The following ENO2 variants were observed in gnomAD, a reference collection of about 807,000 sequenced individuals.
The protein encoded by ENO2 is gamma-enolase.
A neutral mutation model predicts 48.7 loss-of-function variants in ENO2; 19 were observed. The ratio of observed to expected loss-of-function variants is 0.39; its 90% CI spans 0.27 to 0.57. The LOEUF is 0.57. Ranked by LOEUF, ENO2 falls within the 20% of genes least tolerant of loss-of-function variation. ENO2 has a pLI of 0.58. For missense variants in ENO2, 416 were observed against 555.0 expected, an observed-to-expected ratio of 0.75 and a Z score of 2.52; for synonymous variants, 198 against 213.4, an observed-to-expected ratio of 0.93 and a Z score of 0.63.
chr12:6,922,710 T>C lies in ENO2; in HGVS notation c.1236-21T>C. Reference sequence around the variant, plus strand: ...TCCTCCTGCATCCCTGACCACTTCCTTTGTGGTTCATCTCTCTCAGAATTG... The same window carrying C: ...TCCTCCTGCATCCCTGACCACTTCCCTTGTGGTTCATCTCTCTCAGAATTG... On this transcript the variant is annotated intron_variant, in intron 11 of 11. Coordinates refer to ENST00000229277, the MANE Select transcript of ENO2 (RefSeq NM_001975.3). This position sits in a 1 kb window ranked among gnomAD's most constrained non-coding sequence, Gnocchi z 5.3. The C allele has an allele frequency of 2.5e-6, 4 of 1,613,988 alleles. No individual in the cohort carries two copies. The highest frequency in any genetic ancestry group is 3.4e-6 in the Non-Finnish European group (4 of 1,179,882).
intron 9 of ENO2, 65 bp downstream of exon 9, chr12:6,921,847 C>T (rs1945344248): frequency 1.3e-6 from 2 of 1,588,090 alleles, no homozygotes; most frequent in Non-Finnish European, 1.7e-6. Context: ...TGCAAGTGCT[C>T]CAGCCTAATT....
chr12:6,917,309 G>A, intron 5 of ENO2: 1 of 718,474 alleles, frequency 1.4e-6, no homozygotes, highest in Non-Finnish European at 2.3e-6. Flanking sequence ...CTTCTTTGCA[G>A]CATACAGAGG....
Position 6,922,106 on chromosome 12 carries a change from C to T in ENO2, c.1118C>T (p.Ser373Leu), listed in dbSNP as rs1945346438. Residue 373 changes from serine (S) to leucine (L), a missense_variant, in exon 10 of 12, where the codon TCA (serine) becomes TTA (leucine). By Grantham distance (145) the Ser-to-Leu change is moderately radical. Coordinates refer to ENST00000229277, the MANE Select transcript of ENO2 (RefSeq NM_001975.3). This position sits in a 1 kb window ranked among gnomAD's most constrained non-coding sequence, Gnocchi z 5.3. ...TGGGGGGTCATGGTGAGTCATCGCT[C>T]AGGAGAGACTGAGGACACATTCATT... Reference protein sequence around the residue: ...NGWGVMVSHRSGETEDTFIAD... With the variant: ...NGWGVMVSHRLGETEDTFIAD... 6.2e-7 allele frequency: 1 copy of T among 1,614,010 alleles called. No individual in the cohort carries two copies. The highest frequency in any genetic ancestry group is 1.3e-5 in the African/African-American group (1 of 74,900).
chr12:6,916,518 G>C lies in ENO2; in HGVS notation c.181+6G>C, dbSNP rs1233808192. The C allele has an allele frequency of 1.3e-5, 21 of 1,613,952 alleles. No individual in the cohort carries two copies. The highest frequency in any genetic ancestry group is 1.7e-5 in the Non-Finnish European group (20 of 1,179,920). ...ACAGCGTTACTTAGGCAAAGGTGAGGTCCCTTCTCTTTTCCAGACTCTCCC... is the reference window on the plus strand; with the variant it reads ...ACAGCGTTACTTAGGCAAAGGTGAGCTCCCTTCTCTTTTCCAGACTCTCCC... On this transcript the variant is annotated splice_donor_region_variant and intron_variant, in intron 3 of 11. Transcript: ENST00000229277. This position sits in a 1 kb window ranked among gnomAD's most constrained non-coding sequence, Gnocchi z 4.5.
chr12:6,918,795 A>G (rs1945315202), intron 7 of ENO2, among the ~76,000 whole-genome samples: 1 of 151,040 alleles, frequency 6.6e-6, no homozygotes, highest in African/African-American at 2.4e-5. Context: ...CAGCCTGGCC[A>G]ACAAGGTGAA....
At chr12:6,917,438 A>C in intron 5 of ENO2, 143 bp from the exon 6 acceptor site, 1 of 1,142,676 alleles carries the variant, frequency 8.8e-7, no homozygotes, top group Middle Eastern at 2.7e-4. Context: ...TCAAGAGAGC[A>C]TGGATGAGGT....
intron 6 of ENO2, 108 bp from the exon 7 acceptor site, chr12:6,917,832 G>C (rs781830124): frequency 6.3e-7 from 1 of 1,581,548 alleles, no homozygotes; most frequent in East Asian, 2.2e-5. Context: ...GGATGGGGAC[G>C]TGAGACTTAG....
Position 6,914,977 on chromosome 12 carries a change from T to C in ENO2, c.-13+318T>C, listed in dbSNP as rs782541722. Among the ~76,000 whole-genome samples the C allele has an allele frequency of 1.3e-5, 2 of 152,172 alleles. No homozygotes were observed. Among genetic ancestry groups the C allele is most frequent in the Non-Finnish European group, 2.9e-5 (2 of 68,022 alleles). On this transcript the variant is annotated intron_variant, in intron 1 of 11. Coordinates refer to ENST00000229277, the MANE Select transcript of ENO2 (RefSeq NM_001975.3). This position sits in a 1 kb window ranked among gnomAD's most constrained non-coding sequence, Gnocchi z 7.1. ...CTCTCCGGGCGGTGCATTTTTATCC[T>C]AGAGCGTCCCTTTTGGTTTGCATTT... is the stretch of plus-strand genomic sequence containing the variant.
In ENO2 at chr12:6,918,160, A is replaced by G. The variant is rs1555141820; in HGVS notation, c.665A>G (p.Glu222Gly). The G allele has an allele frequency of 6.2e-7, 1 of 1,614,048 alleles. No homozygotes were observed. Among genetic ancestry groups the G allele is most frequent in the South Asian group, 1.1e-5 (1 of 91,074 alleles). The change falls in exon 7 of 12, where the codon GAA (glutamate) becomes GGA (glycine). Residue 222 changes from glutamate (E) to glycine (G), a missense_variant and splice_region_variant. Glu to Gly is a moderately conservative substitution (Grantham distance 98). Coordinates refer to ENST00000229277, the MANE Select transcript of ENO2 (RefSeq NM_001975.3). ...GFAPNILENS[E>G]ALELVKEAID... Reference sequence around the variant, plus strand: ...GCCCCCAATATCCTGGAGAACAGTGAAGGTGAGGCCAGGAGCCCCACTCCC... The same window carrying G: ...GCCCCCAATATCCTGGAGAACAGTGGAGGTGAGGCCAGGAGCCCCACTCCC...
intron 5 of ENO2, 130 bp from the exon 6 acceptor site, chr12:6,917,451 T>C: frequency 7.8e-7 from 1 of 1,283,286 alleles, no homozygotes; most frequent in Non-Finnish European, 1.1e-6. Context: ...GATGAGGTGT[T>C]GCTGGGGCAG....
chr12:6,916,398 T>C lies in ENO2; in HGVS notation c.86-19T>C, dbSNP rs782333945. 1.2e-6 allele frequency: 2 copies of C among 1,609,984 alleles called. No individual in the cohort carries two copies. Among genetic ancestry groups the C allele is most frequent in the Admixed American group, 3.4e-5 (2 of 59,534 alleles). ...CCTGTGTCCTCTTCACTCCCTCTCATTCCATGTTCCTCCTTTAGGTCTTTT... is the reference window on the plus strand; with the variant it reads ...CCTGTGTCCTCTTCACTCCCTCTCACTCCATGTTCCTCCTTTAGGTCTTTT... On this transcript the variant is annotated intron_variant, in intron 2 of 11. Transcript: ENST00000229277. The surrounding 1 kb of genome is among the most constrained non-coding windows in gnomAD (Gnocchi z 4.5).
rs1555142223 is a variant in ENO2 at position 6,922,434 on chromosome 12, C to A, written c.1235+32C>A. The A allele has an allele frequency of 1.2e-6, 2 of 1,613,850 alleles. No individual in the cohort carries two copies. Among genetic ancestry groups the A allele is most frequent in the Middle Eastern group, 3.4e-4 (2 of 5,886 alleles). ...GTCCCTGGGGTGGGAGCCCCTGGCCCAGATGGCTAAAGGCCCCATTTGCCT... is the reference window on the plus strand; with the variant it reads ...GTCCCTGGGGTGGGAGCCCCTGGCCAAGATGGCTAAAGGCCCCATTTGCCT... On this transcript the variant is annotated intron_variant, in intron 11 of 11. Coordinates refer to ENST00000229277, the MANE Select transcript of ENO2 (RefSeq NM_001975.3). The surrounding 1 kb of genome is among the most constrained non-coding windows in gnomAD (Gnocchi z 5.3).
Position 6,922,867 on chromosome 12 carries a change from G to C in ENO2, c.*67G>C. The C allele has an allele frequency of 1.3e-6, 2 of 1,574,830 alleles. No homozygotes were observed. The highest frequency in any genetic ancestry group is 1.1e-5 in the South Asian group (1 of 90,280). On this transcript the variant is annotated 3_prime_UTR_variant, in exon 12 of 12. Coordinates refer to ENST00000229277, the MANE Select transcript of ENO2 (RefSeq NM_001975.3). This position sits in a 1 kb window ranked among gnomAD's most constrained non-coding sequence, Gnocchi z 5.3. ...TCCTGGAACCTTGCTGTCCTGATCT[G>C]TGATAGTTCACCCCCTGAGATCCCC...
Position 6,922,309 on chromosome 12 carries a change from A to G in ENO2, c.1177-35A>G, listed in dbSNP as rs775793476. The G allele has an allele frequency of 6.8e-5, 109 of 1,614,006 alleles. No homozygotes were observed. The highest frequency in any genetic ancestry group is 8.1e-5 in the Non-Finnish European group (96 of 1,179,978). ...AGTTTCCTTTCAGGGGTGAGAGGGC[A>G]GTCACTGAGCTGCAAATCCTTTGAA... On this transcript the variant is annotated intron_variant, in intron 10 of 11. Coordinates refer to ENST00000229277, the MANE Select transcript of ENO2 (RefSeq NM_001975.3). This position sits in a 1 kb window ranked among gnomAD's most constrained non-coding sequence, Gnocchi z 5.3.
rs1555141640 is a variant in ENO2, at chr12:6,916,667, C to G, written c.182-4C>G. On this transcript the variant is annotated splice_region_variant and splice_polypyrimidine_tract_variant and intron_variant, in intron 3 of 11. Coordinates refer to ENST00000229277, the MANE Select transcript of ENO2 (RefSeq NM_001975.3). This position sits in a 1 kb window ranked among gnomAD's most constrained non-coding sequence, Gnocchi z 4.5. Reference sequence around the variant, plus strand: ...GACCCAGTCCAGCCTCTTCCTTTCCCCAGGTGTCCTGAAGGCAGTGGACCA... The same window carrying G: ...GACCCAGTCCAGCCTCTTCCTTTCCGCAGGTGTCCTGAAGGCAGTGGACCA... 6.2e-7 allele frequency: 1 copy of G among 1,614,066 alleles called. No homozygotes were observed. Among genetic ancestry groups the G allele is most frequent in the African/African-American group, 1.3e-5 (1 of 74,918 alleles).
chr12:6,923,492 T>G lies in ENO2; in HGVS notation c.*692T>G, dbSNP rs1298762343. ...GGGCCTTGACATCAGTTCCTTTGTG[T>G]GTACTCACTGAAGCCTGCGTTGGTC... On this transcript the variant is annotated 3_prime_UTR_variant, in exon 12 of 12. Coordinates refer to ENST00000229277, the MANE Select transcript of ENO2 (RefSeq NM_001975.3). 2 of 152,194 alleles carry G rather than the reference T, an allele frequency of 1.3e-5. No individual in the cohort carries two copies. The highest frequency in any genetic ancestry group is 2.9e-5 in the Non-Finnish European group (2 of 68,088). The allele number at this position is 152,194 out of a possible 1,614,324, so 9.4% of individuals were successfully genotyped here. A position where few individuals can be genotyped will look rare whatever the true frequency, so the allele number is the denominator to read the frequency against.
rs781979669 is a variant in ENO2 at position 6,916,707 on chromosome 12, T to C, written c.218T>C (p.Ile73Thr). ...GCAGTGGACCACATCAACTCCACCA[T>C]CGCGCCAGCCCTCATCAGCTCAGTG... ...LKAVDHINST[I>T]APALISSGLS... Residue 73 changes from isoleucine to threonine, a missense_variant, in exon 4 of 12, where the codon ATC becomes ACC. Physicochemically the swap from Ile to Thr is moderately conservative, Grantham distance 89 (BLOSUM62 -1). Transcript: ENST00000229277. The surrounding 1 kb of genome is among the most constrained non-coding windows in gnomAD (Gnocchi z 4.5). The C allele has an allele frequency of 6.2e-7, 1 of 1,614,092 alleles. No homozygotes were observed. Among genetic ancestry groups the C allele is most frequent in the South Asian group, 1.1e-5 (1 of 91,080 alleles).
At chr12:6,921,298 G>A (rs1945338532) in intron 8 of ENO2, among the ~76,000 whole-genome samples, 1 of 152,134 alleles carries the variant, frequency 6.6e-6, no homozygotes, top group African/African-American at 2.4e-5. Flanking sequence ...GGAGGCTGAG[G>A]TGGCAGGATC....
intron 7 of ENO2, among the ~76,000 whole-genome samples, 191 bp from the exon 8 acceptor site, chr12:6,919,375 G>A (rs868973062): frequency 7.9e-5 from 12 of 152,154 alleles, no homozygotes; most frequent in South Asian, 2.1e-4. Flanking sequence ...GTATTATTAA[G>A]AGAATTCCAT....
Sources: allele counts gnomAD v4.1 joint callset (sites outside exome capture counted in the v4.1 genomes callset), GRCh38; gene constraint gnomAD v4.1.1; non-coding constraint Gnocchi (gnomAD v3.1); transcripts MANE v1.5; gene names NCBI Gene and HGNC (gene_info 2026-07-23, HGNC 2026-07-21).